IL1RL2: variants seen among roughly 807,000 people sequenced by gnomAD.
IL1RL2 encodes interleukin-1 receptor-like 2.
Under a neutral mutation model 66.8 loss-of-function variants are expected in IL1RL2, and 68 were observed. That is an observed-to-expected ratio of 1.02 (90% confidence interval 0.84 to 1.25). The LOEUF (loss-of-function observed/expected upper bound fraction) is 1.25. Among genes scored for constraint, IL1RL2 ranks in the 50% most tolerant of loss-of-function variants. The probability of loss-of-function intolerance (pLI) is 0.00; values close to 1 mark genes in which losing one functional copy is unlikely to be tolerated. For synonymous variants in IL1RL2, 305 were observed against 264.6 expected (o/e 1.15, Z -1.48); for missense variants, 729 against 709.3 (o/e 1.03, Z -0.32).
At position 102,189,231 on chromosome 2, in the gene IL1RL2, AG is replaced by A. The variant is rs1367494687; in HGVS notation, c.215del (p.Arg72LysfsTer26). 1 of 1,614,150 alleles carries A rather than the reference AG, an allele frequency of 6.2e-7. No homozygotes were observed. The highest frequency in any genetic ancestry group is 8.5e-7 in the Non-Finnish European group (1 of 1,180,016). On this transcript the variant is annotated frameshift_variant, in exon 3 of 12. Coordinates refer to ENST00000264257, the MANE Select transcript of IL1RL2 (RefSeq NM_003854.4). LOFTEE classifies it high-confidence loss of function. ...KIPVSKIIQS[R>X]IHQDETWILF... Reference sequence around the variant, plus strand: ...CCCAGTGTCCAAAATCATACAGTCTAGAATTCACCAGGACGAGACTTGGATT... The same window carrying A: ...CCCAGTGTCCAAAATCATACAGTCTAAATTCACCAGGACGAGACTTGGATT...
chr2:102,204,398 A>T (rs1688526471), intron 5 of IL1RL2, among the ~76,000 whole-genome samples: 1 of 152,114 alleles, frequency 6.6e-6, no homozygotes, highest in Non-Finnish European at 1.5e-5. Context: ...TATTAGATCC[A>T]TTTGGTCTAT....
At chr2:102,241,702 C>T (rs1457396407), downstream of IL1RL2, among the ~76,000 whole-genome samples, 2 of 152,198 alleles carry the variant, frequency 1.3e-5, no homozygotes, top group South Asian at 2.1e-4. Context: ...ATCCTATATC[C>T]TCTCCATTTT....
At chr2:102,228,108 CTTTATT>C (rs1690797146) in intron 9 of IL1RL2, among the ~76,000 whole-genome samples, 1 of 152,026 alleles carries the variant, frequency 6.6e-6, no homozygotes, top group Non-Finnish European at 1.5e-5. Flanking sequence ...TCCTTTTTTT[CTTTATT>C]TTTATTTTGC....
At chr2:102,240,427 C>T (rs990210263), downstream of IL1RL2, among the ~76,000 whole-genome samples, 6 of 120,480 alleles carry the variant, frequency 5.0e-5, no homozygotes, top group African/African-American at 1.9e-4. Flanking sequence ...GCTGGGATTA[C>T]AAGCATGAGC....
intron 2 of IL1RL2, among the ~76,000 whole-genome samples, chr2:102,188,356 G>T (rs1686892851): frequency 6.6e-6 from 1 of 152,052 alleles, no homozygotes; most frequent in Admixed American, 6.6e-5. Context: ...AGGCCAAGGC[G>T]GGCGGATCAC....
Position 102,198,340 on chromosome 2 carries a change from G to A in IL1RL2, c.490-3216G>A, listed in dbSNP as rs570175531. Among the ~76,000 whole-genome samples, 3 of 152,274 alleles carry A rather than the reference G, an allele frequency of 2.0e-5. No homozygotes were observed. The South Asian group carries it at 6.2e-4, about 32-fold the overall frequency. ...AGAATTGAAAACTGAAAGTCCCCAG[G>A]AAGTCTTTGAAATTGAAGAGCTTAC... On this transcript the variant is annotated intron_variant, in intron 4 of 11. Transcript: ENST00000264257.
At chr2:102,240,850 A>C (rs1048866774), downstream of IL1RL2, among the ~76,000 whole-genome samples, 2 of 152,244 alleles carry the variant, frequency 1.3e-5, no homozygotes. Context: ...GCCTGTGTAA[A>C]AGGATGACAT....
chr2:102,235,100 A>T lies in IL1RL2; in HGVS notation c.1501A>T (p.Ile501Phe). The change falls in exon 11 of 12, where the codon ATT (isoleucine) becomes TTT (phenylalanine). Residue 501 changes from isoleucine (I) to phenylalanine (F), a missense_variant. Physicochemically the swap from Ile to Phe is conservative, Grantham distance 21 (BLOSUM62 0). Transcript: ENST00000264257. ...GGACTACACAGTCATGCCAGAGTCA[A>T]TTCAGTACATCAAACAGAAGCATGG... is the stretch of plus-strand genomic sequence containing the variant. Reference protein sequence around the residue: ...IEDYTVMPESIQYIKQKHGAI... With the variant: ...IEDYTVMPESFQYIKQKHGAI... 2.5e-6 allele frequency: 4 copies of T among 1,614,214 alleles called. No homozygotes were observed. Among genetic ancestry groups the T allele is most frequent in the Non-Finnish European group, 3.4e-6 (4 of 1,180,046 alleles).
Position 102,189,115 on chromosome 2 carries a change from C to T in IL1RL2, c.98C>T (p.Ser33Leu). Residue 33 changes from serine (S) to leucine (L), a missense_variant, in exon 3 of 12, where the codon TCA becomes TTA. Transcript: ENST00000264257. Reference sequence around the variant, plus strand: ...ATTTTTATGAAAAATGAGATACTTTCAGCAAGCCAGCCTTTTGCTTTTAAT... The same window carrying T: ...ATTTTTATGAAAAATGAGATACTTTTAGCAAGCCAGCCTTTTGCTTTTAAT... The part of the protein sequence containing the change: ...KDIFMKNEIL[S>L]ASQPFAFNCT... 2 of 1,614,032 alleles carry T rather than the reference C, an allele frequency of 1.2e-6. No homozygotes were observed. The highest frequency in any genetic ancestry group is 1.7e-6 in the Non-Finnish European group (2 of 1,179,964).
At position 102,226,159 on chromosome 2, in the gene IL1RL2, A is replaced by G. The variant is rs553510197; in HGVS notation, c.1135+118A>G. On this transcript the variant is annotated intron_variant, in intron 9 of 11. Coordinates refer to ENST00000264257, the MANE Select transcript of IL1RL2 (RefSeq NM_003854.4). ...CGTTGTTGGCAAATTTAGGGAAAGG[A>G]ATCTCCTTGGAACTGCCTGTGCTTT... 8.9e-6 allele frequency: 7 copies of G among 790,916 alleles called. No homozygotes were observed. The African/African-American group carries it at 9.0e-5, about 10-fold the overall frequency. The allele number at this position is 790,916 out of a possible 1,614,324, so 49.0% of individuals were successfully genotyped here. A position where few individuals can be genotyped will look rare whatever the true frequency, so the allele number is the denominator to read the frequency against.
At chr2:102,234,873 T>A (rs777196392) in intron 10 of IL1RL2, 24 bp from the exon 11 acceptor site, 1 of 1,598,986 alleles carries the variant, frequency 6.3e-7, no homozygotes, top group Non-Finnish European at 8.6e-7. Flanking sequence ...TGAGTTCTTC[T>A]GAGCCTTCTT....
At chr2:102,195,609 CTTTCT>C (rs1559530047) in intron 4 of IL1RL2, among the ~76,000 whole-genome samples, 3 of 17,910 alleles carry the variant, frequency 1.7e-4, no homozygotes, top group African/African-American at 4.5e-4. Context: ...TTCTTTCTTT[CTTTCT>C]TTCTTTCTTT....
chr2:102,223,788 C>T (rs1369689435), intron 8 of IL1RL2, among the ~76,000 whole-genome samples: 6 of 152,106 alleles, frequency 3.9e-5, no homozygotes, highest in East Asian at 3.9e-4. Flanking sequence ...AGACACGAGT[C>T]GTCCCAAAGG....
At chr2:102,227,677 C>A (rs932497336) in intron 9 of IL1RL2, among the ~76,000 whole-genome samples, 4 of 152,082 alleles carry the variant, frequency 2.6e-5, no homozygotes, top group African/African-American at 9.7e-5. Flanking sequence ...CAGTTCAGTC[C>A]CCCACCACTG....
downstream of IL1RL2, among the ~76,000 whole-genome samples, chr2:102,241,164 G>A (rs1675221702): frequency 1.3e-5 from 2 of 152,246 alleles, no homozygotes; most frequent in Admixed American, 1.3e-4. Context: ...TAAGGCCAAG[G>A]ATATCTTTCT....
chr2:102,201,018 T>C (rs1403704127), intron 4 of IL1RL2, among the ~76,000 whole-genome samples: 1 of 152,152 alleles, frequency 6.6e-6, no homozygotes, highest in Non-Finnish European at 1.5e-5. Context: ...GAAAGTGTAA[T>C]TGGGCCCGCA....
intron 4 of IL1RL2, among the ~76,000 whole-genome samples, chr2:102,196,898 T>C (rs970034579): frequency 2.0e-5 from 3 of 152,190 alleles, no homozygotes; most frequent in Non-Finnish European, 4.4e-5. Flanking sequence ...ATCAGGAGAA[T>C]GGCATGAGCA....
At chr2:102,241,155 A>T (rs1268964308), downstream of IL1RL2, among the ~76,000 whole-genome samples, 1 of 152,204 alleles carries the variant, frequency 6.6e-6, no homozygotes, top group Non-Finnish European at 1.5e-5. Flanking sequence ...TCTCCAACTT[A>T]AGGCCAAGGA....
At chr2:102,188,985 A>G in intron 2 of IL1RL2, 91 bp from the exon 3 acceptor site, 3 of 906,764 alleles carry the variant, frequency 3.3e-6, no homozygotes, top group Middle Eastern at 3.4e-4. Flanking sequence ...ATTGGCTGGA[A>G]AATTGAAGAG....
Sources: gnomAD v4.1 joint callset for allele counts (sites outside exome capture counted in the v4.1 genomes callset) on GRCh38, gnomAD v4.1.1 for gene constraint, MANE v1.5 for transcripts, NCBI Gene and HGNC (gene_info 2026-07-23, HGNC 2026-07-21) for gene names.